The following SYT14 variants were observed in gnomAD, a reference collection of about 807,000 sequenced individuals.
The protein encoded by SYT14 is synaptotagmin 14.
SYT14 carries 32 observed loss-of-function variants against 74.2 expected under a neutral mutation model. The observed-to-expected ratio is 0.43, with a 90% CI of 0.33 to 0.58. The LOEUF is 0.58. SYT14 is among the 20% of genes least tolerant of loss of function. SYT14 has a pLI of 0.05. For missense variants in SYT14, 791 were observed against 981.8 expected (o/e 0.81, Z 2.60); for synonymous variants, 298 against 337.7 (o/e 0.88, Z 1.29).
At chr1:210,161,113 A>G in exon 10 of SYT14, 1 of 1,512,388 alleles carries the variant, frequency 6.6e-7, no homozygotes, top group Non-Finnish European at 9.1e-7. Flanking sequence ...GTTTCTACCA[A>G]GTCCCATTAG....
chr1:209,977,092 A>G (rs182401508), intron 2 of SYT14, among the ~76,000 whole-genome samples: 17 of 152,006 alleles, frequency 1.1e-4, no homozygotes, highest in Non-Finnish European at 2.2e-4. Context: ...TTTTGAGCCT[A>G]TGTGTGTCTC....
chr1:209,978,048 C>T (rs1187588587), intron 2 of SYT14, among the ~76,000 whole-genome samples: 1 of 152,192 alleles, frequency 6.6e-6, no homozygotes, highest in Non-Finnish European at 1.5e-5. Flanking sequence ...CCTTGGTTTT[C>T]AGCTCCATCA....
chr1:209,961,952 C>G (rs1165344195), intron 2 of SYT14, among the ~76,000 whole-genome samples: 1 of 152,088 alleles, frequency 6.6e-6, no homozygotes, highest in Non-Finnish European at 1.5e-5. Flanking sequence ...TATGAAAAAT[C>G]CTGATCATGA....
At chr1:209,957,448 G>A (rs1183151577) in intron 2 of SYT14, among the ~76,000 whole-genome samples, 1 of 151,288 alleles carries the variant, frequency 6.6e-6, no homozygotes, top group East Asian at 1.9e-4. Flanking sequence ...TTTTTTTTGA[G>A]ACAGTCTCGC....
intron 5 of SYT14, among the ~76,000 whole-genome samples, chr1:210,050,525 G>T (rs908112564): frequency 2.0e-5 from 3 of 152,112 alleles, no homozygotes; most frequent in African/African-American, 7.2e-5. Context: ...TATCTTTTCA[G>T]CAGGACCCCA....
chr1:210,150,522 C>T (rs1323448307), intron 7 of SYT14, among the ~76,000 whole-genome samples: 1 of 152,074 alleles, frequency 6.6e-6, no homozygotes, highest in East Asian at 1.9e-4. Context: ...AGGAAAGGAC[C>T]CTGAGGAGGG....
intron 5 of SYT14, among the ~76,000 whole-genome samples, chr1:210,085,261 A>G (rs2081700196): frequency 6.6e-6 from 1 of 152,254 alleles, no homozygotes; most frequent in African/African-American, 2.4e-5. Flanking sequence ...TAAATTTACC[A>G]ACTCTTAGTA....
At chr1:210,078,563 A>G (rs1384004917) in intron 5 of SYT14, among the ~76,000 whole-genome samples, 1 of 152,126 alleles carries the variant, frequency 6.6e-6, no homozygotes, top group Non-Finnish European at 1.5e-5. Flanking sequence ...AATTTAAGAC[A>G]TATACTTTTA....
At chr1:209,944,470 A>C (rs943253026) in intron 1 of SYT14, among the ~76,000 whole-genome samples, 1 of 152,208 alleles carries the variant, frequency 6.6e-6, no homozygotes, top group Non-Finnish European at 1.5e-5. Context: ...GAGATACCAT[A>C]TTTAGCATGC....
intron 5 of SYT14, among the ~76,000 whole-genome samples, chr1:210,073,234 T>C (rs1447389117): frequency 6.6e-6 from 1 of 152,018 alleles, no homozygotes; most frequent in East Asian, 1.9e-4. Flanking sequence ...TTTTTTAAAA[T>C]GTAAGCCCTT....
chr1:209,952,809 T>C, intron 2 of SYT14, 53 bp downstream of exon 2: 1 of 1,484,434 alleles, frequency 6.7e-7, no homozygotes, highest in Non-Finnish European at 9.3e-7. Context: ...ACTTCCAAAG[T>C]GTATAATAGA....
At position 210,123,466 on chromosome 1, in the gene SYT14, A is replaced by C. The variant is rs1311646619; in HGVS notation, c.2034+23005A>C. Reference sequence around the variant, plus strand: ...GGGTAGCATGAATCTGGGGATTAAAAACAAGATAATCACTAAAAGCCTGTG... The same window carrying C: ...GGGTAGCATGAATCTGGGGATTAAACACAAGATAATCACTAAAAGCCTGTG... On this transcript the variant is annotated intron_variant, in intron 7 of 9. Coordinates refer to ENST00000637265, the Ensembl canonical transcript of SYT14. Among the ~76,000 whole-genome samples, 5 of 152,334 alleles carry C rather than the reference A, an allele frequency of 3.3e-5. No individual in the cohort carries two copies. In the East Asian group the frequency reaches 9.6e-4, roughly 29 times the overall value.
At chr1:210,015,586 G>C (rs2080166023) in intron 3 of SYT14, 1 of 153,768 alleles carries the variant, frequency 6.5e-6, no homozygotes, top group Admixed American at 6.5e-5. Context: ...ATGATACTGG[G>C]TAGTTTATTA....
At chr1:210,024,814 G>A (rs191738419) in intron 5 of SYT14, among the ~76,000 whole-genome samples, 130 of 152,246 alleles carry the variant, frequency 8.5e-4, no homozygotes, top group Non-Finnish European at 5.0e-4. Context: ...AGATAAAGAG[G>A]AGAATCAGGA....
At chr1:210,041,894 T>C (rs1268011032) in intron 5 of SYT14, among the ~76,000 whole-genome samples, 2 of 152,082 alleles carry the variant, frequency 1.3e-5, no homozygotes, top group Non-Finnish European at 2.9e-5. Flanking sequence ...TAGAGTCTTG[T>C]CTGTGTATGC....
chr1:209,938,363 T>C, intron 1 of SYT14, 86 bp downstream of exon 1: 1 of 1,390,198 alleles, frequency 7.2e-7, no homozygotes, highest in South Asian at 1.3e-5. Context: ...GCCGAGGCGC[T>C]GACGGGGCCG....
chr1:210,169,979 G>A (rs1294304688), exon 10 of SYT14: 1 of 145,980 alleles, frequency 6.9e-6, no homozygotes, highest in Non-Finnish European at 1.5e-5. Flanking sequence ...TTCCTTCCTA[G>A]TTCTTTCATT....
exon 10 of SYT14, chr1:210,160,940 A>C: frequency 2.5e-6 from 4 of 1,614,050 alleles, no homozygotes; most frequent in Non-Finnish European, 2.5e-6. Flanking sequence ...GGATTTCTTT[A>C]GGTCTCAACA....
chr1:210,059,037 C>T (rs1294867291), intron 5 of SYT14, among the ~76,000 whole-genome samples: 3 of 152,076 alleles, frequency 2.0e-5, no homozygotes, highest in Admixed American at 2.0e-4. Flanking sequence ...GTTTTGACAG[C>T]ACTGTGAACT....
Sources: gnomAD v4.1 joint callset for allele counts (sites outside exome capture counted in the v4.1 genomes callset) on GRCh38, gnomAD v4.1.1 for gene constraint, MANE v1.5 for transcripts, NCBI Gene and HGNC (gene_info 2026-07-23, HGNC 2026-07-21) for gene names.